The following ITGB3BP variants were observed in gnomAD, a reference collection of about 807,000 sequenced individuals.
ITGB3BP encodes centromere protein R.
In ITGB3BP, 27 loss-of-function variants were observed where a neutral mutation model predicts 29.1. That is an observed-to-expected ratio of 0.93 (90% CI 0.68 to 1.28). The LOEUF (loss-of-function observed/expected upper bound fraction) is 1.28. Among genes scored for constraint, ITGB3BP ranks in the 50% most tolerant of loss-of-function variants. The probability of loss-of-function intolerance (pLI) is 0.00; values close to 1 mark genes in which losing one functional copy is unlikely to be tolerated. For synonymous variants in ITGB3BP, 61 were observed against 61.4 expected, an observed-to-expected ratio of 0.99 and a Z score of 0.03; for missense variants, 192 against 200.2, an observed-to-expected ratio of 0.96 and a Z score of 0.25.
In ITGB3BP at chr1:63,485,088, TTTAA is replaced by T. The variant is rs1419879978; in HGVS notation, c.184+4991_184+4994del. Reference sequence around the variant, plus strand: ...TGTTTTCTTTTTCTATTCCTTCAGATTTAATTGTCTTATGTCTTTTCTTAAAGTC... The same window carrying T: ...TGTTTTCTTTTTCTATTCCTTCAGATTTGTCTTATGTCTTTTCTTAAAGTC... On this transcript the variant is annotated intron_variant, in intron 3 of 8. Coordinates refer to ENST00000271002, the MANE Select transcript of ITGB3BP (RefSeq NM_014288.5). Among the ~76,000 whole-genome samples the T allele has an allele frequency of 1.3e-5, 2 of 152,120 alleles. 1 individual carries two copies. The highest frequency in any genetic ancestry group is 4.1e-4 in the South Asian group (2 of 4,830).
At chr1:63,511,100 C>T (rs983318135) in intron 1 of ITGB3BP, among the ~76,000 whole-genome samples, 5 of 151,910 alleles carry the variant, frequency 3.3e-5, no homozygotes, top group Non-Finnish European at 1.5e-5. Flanking sequence ...AGTGGGCACA[C>T]AAAATTGGAC....
intron 2 of ITGB3BP, among the ~76,000 whole-genome samples, chr1:63,496,155 C>T (rs951515669): frequency 1.3e-5 from 2 of 150,326 alleles, no homozygotes; most frequent in Non-Finnish European, 2.9e-5. Flanking sequence ...TGCAGTGGTG[C>T]GATCACGGCT....
upstream of ITGB3BP, chr1:63,523,555 A>T: frequency 4.0e-6 from 1 of 252,046 alleles, no homozygotes; most frequent in South Asian, 4.6e-5. Flanking sequence ...AAAGGCCGAG[A>T]TCTGTCCAGC....
chr1:63,478,883 C>G (rs1028266776), intron 3 of ITGB3BP, 50 bp from the exon 4 acceptor site: 1 of 653,522 alleles, frequency 1.5e-6, no homozygotes, highest in Non-Finnish European at 2.5e-6. Flanking sequence ...GAGAAATCAT[C>G]AAATTTTAAA....
At chr1:63,511,290 G>A (rs1041966590) in intron 1 of ITGB3BP, among the ~76,000 whole-genome samples, 1 of 152,052 alleles carries the variant, frequency 6.6e-6, no homozygotes, top group Non-Finnish European at 1.5e-5. Context: ...AAAACAAACA[G>A]AAAATAAGTG....
At chr1:63,462,087 A>G (rs1234511317) in intron 4 of ITGB3BP, among the ~76,000 whole-genome samples, 1 of 152,194 alleles carries the variant, frequency 6.6e-6, no homozygotes, top group African/African-American at 2.4e-5. Flanking sequence ...CATCTTAACA[A>G]TATTAAATCT....
chr1:63,516,763 G>C (rs1646340867), intron 1 of ITGB3BP, among the ~76,000 whole-genome samples: 1 of 150,862 alleles, frequency 6.6e-6, no homozygotes, highest in Non-Finnish European at 1.5e-5. Flanking sequence ...AATACCACAT[G>C]TTCTCATCTA....
chr1:63,450,900 C>T (rs1487862693), intron 7 of ITGB3BP, among the ~76,000 whole-genome samples: 3 of 151,872 alleles, frequency 2.0e-5, no homozygotes, highest in South Asian at 4.1e-4. Context: ...TCTCAGTGTG[C>T]CTTTTAATTT....
At chr1:63,522,292 T>C (rs1646468699) in intron 1 of ITGB3BP, among the ~76,000 whole-genome samples, 1 of 152,218 alleles carries the variant, frequency 6.6e-6, no homozygotes, top group African/African-American at 2.4e-5. Flanking sequence ...TCCTATTTGA[T>C]ACAAAAATTT....
At chr1:63,461,253 CAAAAAAAAAAAAA>C (rs35374545) in intron 4 of ITGB3BP, among the ~76,000 whole-genome samples, 1 of 56,810 alleles carries the variant, frequency 1.8e-5, no homozygotes, top group Non-Finnish European at 3.1e-5. Context: ...GACTCCATCT[CAAAAAAAAAAAAA>C]AAAAAAAAAA....
At chr1:63,444,059 A>G (rs1383301229) in intron 8 of ITGB3BP, among the ~76,000 whole-genome samples, 1 of 152,166 alleles carries the variant, frequency 6.6e-6, no homozygotes, top group African/African-American at 2.4e-5. Flanking sequence ...CTCAAAGGTG[A>G]AGTCACTTAA....
At chr1:63,488,673 C>G (rs1169104293) in intron 3 of ITGB3BP, among the ~76,000 whole-genome samples, 1 of 151,878 alleles carries the variant, frequency 6.6e-6, no homozygotes, top group Non-Finnish European at 1.5e-5. Context: ...GAATTCTGGA[C>G]AAAATTCTGT....
chr1:63,443,828 TAG>T (rs1399468542), intron 8 of ITGB3BP, among the ~76,000 whole-genome samples: 1 of 152,020 alleles, frequency 6.6e-6, no homozygotes, highest in Non-Finnish European at 1.5e-5. Context: ...ATATAATCCC[TAG>T]AAAGGTAGAA....
chr1:63,477,670 C>A (rs917330797), intron 4 of ITGB3BP, among the ~76,000 whole-genome samples: 1 of 150,510 alleles, frequency 6.6e-6, no homozygotes, highest in African/African-American at 2.5e-5. Context: ...CACTGAATGG[C>A]GATCACACCA....
At chr1:63,443,717 C>G (rs1419565267) in intron 8 of ITGB3BP, among the ~76,000 whole-genome samples, 4 of 151,992 alleles carry the variant, frequency 2.6e-5, no homozygotes, top group African/African-American at 9.7e-5. Flanking sequence ...TAAACTGGTA[C>G]AGTGGGTGTG....
At chr1:63,498,523 A>G (rs972075248) in intron 2 of ITGB3BP, among the ~76,000 whole-genome samples, 12 of 152,098 alleles carry the variant, frequency 7.9e-5, no homozygotes, top group African/African-American at 2.9e-4. Flanking sequence ...AAAACGCAAC[A>G]AAACATAGAA....
chr1:63,495,064 C>T (rs553957596), intron 2 of ITGB3BP, among the ~76,000 whole-genome samples: 19 of 152,294 alleles, frequency 1.2e-4, no homozygotes, highest in Admixed American at 3.9e-4. Context: ...ACCTCAGCCT[C>T]CCCCAAAGCT....
At chr1:63,479,607 C>T (rs934852048) in intron 3 of ITGB3BP, among the ~76,000 whole-genome samples, 13 of 152,202 alleles carry the variant, frequency 8.5e-5, no homozygotes, top group Admixed American at 5.2e-4. Flanking sequence ...TCGGCCCTCC[C>T]GACCAGCAGA....
chr1:63,478,513 G>A (rs565749934), intron 4 of ITGB3BP, among the ~76,000 whole-genome samples: 5 of 152,256 alleles, frequency 3.3e-5, no homozygotes, highest in African/African-American at 7.2e-5. Context: ...TTTACCCTGC[G>A]CTGGTCTATT....
Sources: allele counts gnomAD v4.1 joint callset (sites outside exome capture counted in the v4.1 genomes callset), GRCh38; gene constraint gnomAD v4.1.1; transcripts MANE v1.5; gene names NCBI Gene and HGNC (gene_info 2026-07-23, HGNC 2026-07-21).